CCNT2: variants seen among roughly 807,000 people sequenced by gnomAD.
CCNT2 encodes cyclin T2, also known as cyclin-T2.
CCNT2 carries 18 observed loss-of-function variants against 70.0 expected under a neutral mutation model. That is an observed-to-expected ratio of 0.26 (90% confidence interval 0.18 to 0.38). The LOEUF is 0.38. CCNT2 is among the 10% of genes least tolerant of loss of function. The pLI, the probability that CCNT2 is intolerant of heterozygous loss-of-function variation, is 1.00. For missense variants in CCNT2, 734 were observed against 890.2 expected (o/e 0.82, Z 2.23); for synonymous variants, 334 against 313.3 (o/e 1.07, Z -0.70).
intron 5 of CCNT2, chr2:134,943,963 T>C: frequency 1.0e-6 from 1 of 961,082 alleles, no homozygotes; most frequent in Non-Finnish European, 1.2e-6. Flanking sequence ...TTATTCATTC[T>C]AAATTGAATT....
Position 134,953,306 on chromosome 2 carries a change from A to G in CCNT2, c.851A>G (p.Gln284Arg), listed in dbSNP as rs778010477. 3.7e-6 allele frequency: 6 copies of G among 1,613,484 alleles called. No homozygotes were observed. Among genetic ancestry groups the G allele is most frequent in the Middle Eastern group, 1.6e-4 (1 of 6,062 alleles). ...ETPLLGSSLV[Q>R]NSILVDSVTG... Reference sequence around the variant, plus strand: ...CCACTTCTTGGTTCATCTTTGGTCCAGAATTCCATTTTAGTAGATAGTGTC... The same window carrying G: ...CCACTTCTTGGTTCATCTTTGGTCCGGAATTCCATTTTAGTAGATAGTGTC... The change falls in exon 9 of 9, where the codon CAG becomes CGG. Residue 284 changes from glutamine (Q) to arginine (R), a missense_variant. By Grantham distance (43) the Gln-to-Arg change is conservative (BLOSUM62 1). Transcript: ENST00000264157.
chr2:134,951,871 C>A lies in CCNT2; in HGVS notation c.704-770C>A, dbSNP rs545787996. 7.9e-5 allele frequency among the ~76,000 whole-genome samples: 12 copies of A among 152,262 alleles called. No homozygotes were observed. The South Asian group carries it at 2.5e-3, about 32-fold the overall frequency. On this transcript the variant is annotated intron_variant, in intron 7 of 8. Transcript: ENST00000264157. Reference sequence around the variant, plus strand: ...TCCATATTTTTCCCTATTCTAGGATCCCATGTTCCATTTAGTTGACATGTC... The same window carrying A: ...TCCATATTTTTCCCTATTCTAGGATACCATGTTCCATTTAGTTGACATGTC...
chr2:134,921,085 T>TA (rs1212700249), intron 2 of CCNT2, among the ~76,000 whole-genome samples: 1 of 152,234 alleles, frequency 6.6e-6, no homozygotes, highest in African/African-American at 2.4e-5. Flanking sequence ...GTGATAGTGT[T>TA]ATGGAAGAGA....
intron 5 of CCNT2, chr2:134,943,743 C>G (rs1333222673): frequency 1.0e-6 from 1 of 984,804 alleles, no homozygotes; most frequent in African/African-American, 1.7e-5. Flanking sequence ...CTTCTTACTT[C>G]CACTTTCCTG....
intron 2 of CCNT2, among the ~76,000 whole-genome samples, chr2:134,924,044 C>G (rs1443131953): frequency 6.6e-6 from 1 of 152,176 alleles, no homozygotes; most frequent in East Asian, 1.9e-4. Flanking sequence ...TTGTGTATCA[C>G]TGTTTTTCCT....
chr2:134,943,217 A>G (rs1391572491), intron 5 of CCNT2: 1 of 470,308 alleles, frequency 2.1e-6, no homozygotes, highest in South Asian at 9.0e-5. Context: ...CCTGGGCAAC[A>G]TGGTGAAACC....
At position 134,928,274 on chromosome 2, in the gene CCNT2, C is replaced by CTTTTTTTTTTTTTTTTTTTTTTTTT. The variant is rs551173090; in HGVS notation, c.240+8402_240+8403insTTTTTTTTTTTTTTTTTTTTTTTTT. ...CCATGCCCGGCCTCACATTGTATTT[C>CTTTTTTTTTTTTTTTTTTTTTTTTT]TTTTTTTTTTTTTTTTTTTCTGAGA... is the stretch of plus-strand genomic sequence containing the variant. On this transcript the variant is annotated intron_variant, in intron 2 of 8. Transcript: ENST00000264157. 2.4e-3 allele frequency among the ~76,000 whole-genome samples: 230 copies of CTTTTTTTTTTTTTTTTTTTTTTTTT among 96,370 alleles called. 17 individuals are homozygous for CTTTTTTTTTTTTTTTTTTTTTTTTT. The highest frequency in any genetic ancestry group is 3.1e-3 in the Non-Finnish European group (153 of 49,276). 63.2% of individuals were successfully genotyped at this position (96,370 alleles called of 152,430 possible).
In CCNT2 at chr2:134,947,776, G is replaced by A. The variant is rs752992997; in HGVS notation, c.580G>A (p.Val194Met). 6.5e-7 allele frequency: 1 copy of A among 1,544,596 alleles called. No individual in the cohort carries two copies. The highest frequency in any genetic ancestry group is 8.8e-7 in the Non-Finnish European group (1 of 1,131,198). Residue 194 changes from valine (V) to methionine (M), a missense_variant, in exon 7 of 9, where the codon GTG becomes ATG. Transcript: ENST00000264157. ...CTTCTGTCTTCAGTACAAACCAACAGTGATAGCATGTGTATGCATTCATTT... is the reference window on the plus strand; with the variant it reads ...CTTCTGTCTTCAGTACAAACCAACAATGATAGCATGTGTATGCATTCATTT... The part of the protein sequence containing the change: ...TTFCLQYKPT[V>M]IACVCIHLAC...
chr2:134,945,463 C>T, intron 5 of CCNT2: 1 of 985,362 alleles, frequency 1.0e-6, no homozygotes, highest in Non-Finnish European at 1.2e-6. Flanking sequence ...GCATTCTGAT[C>T]CTCCCTAGAA....
In CCNT2 at chr2:134,943,701, A is replaced by G. The variant is rs537599994; in HGVS notation, c.493+1027A>G. 52 of 985,182 alleles carry G rather than the reference A, an allele frequency of 5.3e-5. No homozygotes were observed. The East Asian group carries it at 5.0e-3, about 95-fold the overall frequency. The allele number at this position is 985,182 out of a possible 1,614,324, so 61.0% of individuals were successfully genotyped here. A position where few individuals can be genotyped will look rare whatever the true frequency, so the allele number is the denominator to read the frequency against. ...TCCTATATATCTGTTGTATCCCTAG[A>G]AATATTTTTTACACAGTTGCATGTT... On this transcript the variant is annotated intron_variant, in intron 5 of 8. Coordinates refer to ENST00000264157, the MANE Select transcript of CCNT2 (RefSeq NM_058241.3).
chr2:134,957,820 T>TTTC lies in CCNT2; in HGVS notation c.*3174_*3176dup, dbSNP rs1256871321. The TTTC allele has an allele frequency of 1.3e-5, 2 of 152,196 alleles. No individual in the cohort carries two copies. Among genetic ancestry groups the TTTC allele is most frequent in the African/African-American group, 4.8e-5 (2 of 41,464 alleles). 9.4% of individuals were successfully genotyped at this position (152,196 alleles called of 1,614,324 possible). A position where few individuals can be genotyped will look rare whatever the true frequency, so the allele number is the denominator to read the frequency against. On this transcript the variant is annotated 3_prime_UTR_variant, in exon 9 of 9. Coordinates refer to ENST00000264157, the MANE Select transcript of CCNT2 (RefSeq NM_058241.3). Reference sequence around the variant, plus strand: ...CTTATTCAGAGTCATCTAAAAGAAATTTCTAACATGATGTATGGTTTCTTG... The same window carrying TTTC: ...CTTATTCAGAGTCATCTAAAAGAAATTTCTTCTAACATGATGTATGGTTTCTTG...
intron 2 of CCNT2, among the ~76,000 whole-genome samples, chr2:134,931,686 G>A (rs1680782620): frequency 6.6e-6 from 1 of 152,116 alleles, no homozygotes; most frequent in South Asian, 2.1e-4. Context: ...AAGGAAAGTG[G>A]CCTTTTGTAA....
At chr2:134,944,145 T>C (rs1430963387) in intron 5 of CCNT2, 2 of 982,068 alleles carry the variant, frequency 2.0e-6, no homozygotes, top group East Asian at 2.3e-4. Context: ...TCTTCATGGT[T>C]ATATCAGCGT....
intron 5 of CCNT2, chr2:134,945,101 T>C: frequency 5.1e-6 from 5 of 985,446 alleles, no homozygotes; most frequent in Non-Finnish European, 6.0e-6. Flanking sequence ...CCAAGACATC[T>C]GATGCTTTGA....
Position 134,954,226 on chromosome 2 carries a change from G to C in CCNT2, c.1771G>C (p.Ala591Pro). 1 of 1,614,110 alleles carries C rather than the reference G, an allele frequency of 6.2e-7. No individual in the cohort carries two copies. Among genetic ancestry groups the C allele is most frequent in the African/African-American group, 1.3e-5 (1 of 75,018 alleles). The change falls in exon 9 of 9, where the codon GCC becomes CCC. Residue 591 changes from alanine (A) to proline (P), a missense_variant. Physicochemically the swap from Ala to Pro is conservative, Grantham distance 27. This residue lies in a region of CCNT2 where 532 missense variants were observed against 556.9 expected (regional missense o/e 0.96). Transcript: ENST00000264157. The part of the protein sequence containing the change: ...GSSSGGSKHS[A>P]DGIPPTVLRS... The stretch of plus-strand genomic sequence containing the variant: ...CAGCAGCGGTGGCAGTAAACACAGT[G>C]CCGACGGAATACCACCCACTGTTCT...
chr2:134,930,139 A>G (rs1362478734), intron 2 of CCNT2, among the ~76,000 whole-genome samples: 1 of 152,230 alleles, frequency 6.6e-6, no homozygotes, highest in Admixed American at 6.5e-5. Flanking sequence ...TGCTGTAAGC[A>G]GCAGTTCACC....
chr2:134,952,568 A>G (rs1682600786), intron 7 of CCNT2, 73 bp from the exon 8 acceptor site: 1 of 842,970 alleles, frequency 1.2e-6, no homozygotes, highest in South Asian at 1.7e-5. Flanking sequence ...ATTCCTTTTT[A>G]ATACTGCCCA....
chr2:134,947,776 G>C lies in CCNT2; in HGVS notation c.580G>C (p.Val194Leu). 6.5e-7 allele frequency: 1 copy of C among 1,544,596 alleles called. No homozygotes were observed. The highest frequency in any genetic ancestry group is 8.8e-7 in the Non-Finnish European group (1 of 1,131,198). ...CTTCTGTCTTCAGTACAAACCAACA[G>C]TGATAGCATGTGTATGCATTCATTT... ...TTFCLQYKPT[V>L]IACVCIHLAC... The change falls in exon 7 of 9, where the codon GTG (valine) becomes CTG (leucine). Residue 194 changes from valine (V) to leucine (L), a missense_variant. Around this residue, in one of 3 missense-constraint regions of CCNT2, gnomAD observed 161 missense variants for 303.8 expected, o/e 0.53. Coordinates refer to ENST00000264157, the MANE Select transcript of CCNT2 (RefSeq NM_058241.3).
rs906498091 is a variant in CCNT2 at position 134,955,364 on chromosome 2, G to A, written c.*716G>A. Reference sequence around the variant, plus strand: ...CAACAGATGGTCATATACACTGTGAGGCACTGAAATTTTGCCTTCAGAGGT... The same window carrying A: ...CAACAGATGGTCATATACACTGTGAAGCACTGAAATTTTGCCTTCAGAGGT... On this transcript the variant is annotated 3_prime_UTR_variant, in exon 9 of 9. Transcript: ENST00000264157. 1 of 152,578 alleles carries A rather than the reference G, an allele frequency of 6.6e-6. No homozygotes were observed. The highest frequency in any genetic ancestry group is 1.5e-5 in the Non-Finnish European group (1 of 68,032). The allele number at this position is 152,578 out of a possible 1,614,324, so 9.5% of individuals were successfully genotyped here.
Sources: allele counts gnomAD v4.1 joint callset (sites outside exome capture counted in the v4.1 genomes callset), GRCh38; gene constraint gnomAD v4.1.1; regional missense constraint gnomAD v4.1.1; transcripts MANE v1.5; gene names NCBI Gene and HGNC (gene_info 2026-07-23, HGNC 2026-07-21).